The following SNRPN variants were observed in gnomAD, a reference collection of about 807,000 sequenced individuals.
The protein encoded by SNRPN is small nuclear ribonucleoprotein polypeptide N.
A neutral mutation model predicts 25.2 loss-of-function variants in SNRPN; 7 were observed. That is an observed-to-expected ratio of 0.28 (90% CI 0.16 to 0.52). The LOEUF is 0.52. SNRPN is among the 20% of genes least tolerant of loss of function. SNRPN has a pLI of 0.96. For missense variants in SNRPN, 196 were observed against 322.5 expected, an observed-to-expected ratio of 0.61 and a Z score of 3.00; for synonymous variants, 124 against 110.6, an observed-to-expected ratio of 1.12 and a Z score of -0.76.
chr15:24,973,052 T>C (rs1246815352), intron 3 of SNRPN, among the ~76,000 whole-genome samples: 1 of 152,008 alleles, frequency 6.6e-6, no homozygotes, highest in East Asian at 1.9e-4. Flanking sequence ...CACACCCAGC[T>C]AATGTTTGTA....
At chr15:24,831,632 C>T (rs1005971442) in intron 2 of SNRPN, among the ~76,000 whole-genome samples, 2 of 151,950 alleles carry the variant, frequency 1.3e-5, no homozygotes, top group Admixed American at 6.6e-5. Flanking sequence ...ATCCTCATCC[C>T]CTACCACCCT....
intron 1 of SNRPN, among the ~76,000 whole-genome samples, chr15:24,864,175 C>A (rs1186131672): frequency 1.4e-5 from 2 of 145,442 alleles, no homozygotes; most frequent in Admixed American, 6.7e-5. Context: ...TACAGGCGCC[C>A]ACCACAACGC....
chr15:24,887,763 C>T (rs561175548), intron 2 of SNRPN, among the ~76,000 whole-genome samples: 1 of 152,080 alleles, frequency 6.6e-6, no homozygotes. Context: ...ATACCCCAGC[C>T]CATGAGGTCT....
intron 1 of SNRPN, among the ~76,000 whole-genome samples, chr15:24,862,431 A>G (rs2054071280): frequency 6.6e-6 from 1 of 150,756 alleles, no homozygotes; most frequent in Non-Finnish European, 1.5e-5. Context: ...AGAGCACAAG[A>G]AACAGGTTCA....
At chr15:24,856,490 C>T (rs1254399291), upstream of SNRPN, 1 of 152,280 alleles carries the variant, frequency 6.6e-6, no homozygotes, top group Non-Finnish European at 1.5e-5. Context: ...CGCAGTTGTA[C>T]CATGAATGCG....
intron 1 of SNRPN, among the ~76,000 whole-genome samples, chr15:24,826,468 G>A (rs535165847): frequency 1.8e-4 from 27 of 152,156 alleles, no homozygotes; most frequent in Admixed American, 1.4e-3. Flanking sequence ...ATCATTCCAC[G>A]TAATTTACCC....
chr15:24,977,078 C>A (rs2077139480), intron 7 of SNRPN, 49 bp downstream of exon 7: 3 of 1,454,418 alleles, frequency 2.1e-6, no homozygotes. Flanking sequence ...TATGACTAAG[C>A]CGGAGGCCGA....
chr15:24,956,011 T>G (rs1465012435), intron 1 of SNRPN, among the ~76,000 whole-genome samples: 2 of 151,988 alleles, frequency 1.3e-5, no homozygotes, highest in African/African-American at 2.4e-5. Context: ...GTTTGCCTAC[T>G]GTGGTGGTGG....
intron 6 of SNRPN, among the ~76,000 whole-genome samples, 160 bp from the exon 7 acceptor site, chr15:24,976,717 G>A (rs2077099255): frequency 1.3e-5 from 2 of 152,212 alleles, no homozygotes; most frequent in East Asian, 3.8e-4. Flanking sequence ...TTATACACAA[G>A]ATACCTCCAT....
intron 2 of SNRPN, among the ~76,000 whole-genome samples, chr15:24,845,150 C>T (rs1413991861): frequency 2.0e-5 from 3 of 152,260 alleles, no homozygotes; most frequent in African/African-American, 4.8e-5. Context: ...TGCTATAATG[C>T]TCCAGTTATC....
intron 1 of SNRPN, among the ~76,000 whole-genome samples, chr15:24,876,802 A>G (rs559815240): frequency 2.4e-3 from 359 of 152,278 alleles, no homozygotes; most frequent in African/African-American, 8.4e-3. Context: ...AATAAATAAC[A>G]AAGGATGATT....
chr15:24,962,608 CATTT>C (rs999470548), intron 2 of SNRPN, among the ~76,000 whole-genome samples: 8 of 151,992 alleles, frequency 5.3e-5, no homozygotes, highest in African/African-American at 1.9e-4. Context: ...TTGGTTAGTG[CATTT>C]ATTCTGTTAA....
At chr15:24,974,264 A>C (rs1452268483) in intron 3 of SNRPN, 47 bp from the exon 4 acceptor site, 1 of 601,268 alleles carries the variant, frequency 1.7e-6, no homozygotes, top group East Asian at 2.9e-5. Flanking sequence ...TGCCTGTTTT[A>C]AAACATGGTA....
Position 24,839,789 on chromosome 15 carries a change from A to G in SNRPN, c.-579+9884A>G, listed in dbSNP as rs146512548. On this transcript the variant is annotated intron_variant, in intron 2 of 12. Transcript: ENST00000400100. ...CTCCAGACAGCCATGGGAGGAGCCA[A>G]AGCACACCCAGTGGTTCTCTTGGTG... Among the ~76,000 whole-genome samples the G allele has an allele frequency of 4.5e-3, 690 of 152,238 alleles. 2 individuals carry two copies. Among genetic ancestry groups the G allele is most frequent in the Non-Finnish European group, 7.5e-3 (508 of 68,020 alleles).
chr15:24,977,375 T>TA lies in SNRPN; in HGVS notation c.420+347dup, dbSNP rs1352648074. Among the ~76,000 whole-genome samples the TA allele has an allele frequency of 3.7e-4, 57 of 152,148 alleles. 1 individual carries two copies. Among genetic ancestry groups the TA allele is most frequent in the African/African-American group, 4.8e-5 (2 of 41,550 alleles). On this transcript the variant is annotated intron_variant, in intron 7 of 9. Transcript: ENST00000390687. ...TGGGAATAGGCCGGGTGCAGTGGCT[T>TA]ACGCCTGTAATCCAGCACTTTGGGA...
At chr15:24,855,456 T>A (rs58088625), upstream of SNRPN, among the ~76,000 whole-genome samples, 4,240 of 152,226 alleles carry the variant, frequency 0.028, 178 homozygotes, top group African/African-American at 0.096. Context: ...TAGAATATCT[T>A]TTTTTGTATG....
intron 3 of SNRPN, among the ~76,000 whole-genome samples, chr15:24,933,808 G>A (rs1415556851): frequency 6.6e-6 from 1 of 152,202 alleles, no homozygotes; most frequent in Non-Finnish European, 1.5e-5. Context: ...TTTTCATCAA[G>A]GCAGTCTTCT....
At chr15:24,969,634 G>A (rs1596300420) in intron 3 of SNRPN, among the ~76,000 whole-genome samples, 1 of 152,136 alleles carries the variant, frequency 6.6e-6, no homozygotes, top group Non-Finnish European at 1.5e-5. Context: ...TAGCTTCTCA[G>A]TTCAGTTCAC....
chr15:24,954,879 C>T (rs1217343995), upstream of SNRPN: 12 of 903,106 alleles, frequency 1.3e-5, no homozygotes, highest in Non-Finnish European at 1.9e-5. Context: ...GAGCTGGGAC[C>T]CCTGCACTGC....
Sources: allele counts gnomAD v4.1 joint callset (sites outside exome capture counted in the v4.1 genomes callset), GRCh38; gene constraint gnomAD v4.1.1; transcripts MANE v1.5; gene names NCBI Gene and HGNC (gene_info 2026-07-23, HGNC 2026-07-21).